RANBP17: variants seen among roughly 807,000 people sequenced by gnomAD.
RANBP17 encodes ran-binding protein 17.
RANBP17 carries 158 observed loss-of-function variants against 141.2 expected under a neutral mutation model. The ratio of observed to expected loss-of-function variants is 1.12; its 90% CI spans 0.98 to 1.28. The LOEUF (loss-of-function observed/expected upper bound fraction) is 1.28, where lower values mean the gene tolerates loss of function less well. Among genes scored for constraint, RANBP17 ranks in the 50% most tolerant of loss-of-function variants. The pLI, the probability that RANBP17 is intolerant of heterozygous loss-of-function variation, is 0.00. For synonymous variants in RANBP17, 430 were observed against 450.0 expected (o/e 0.96, Z 0.56); for missense variants, 1,438 against 1,290.7 (o/e 1.11, Z -1.75).
At chr5:170,980,098 A>G (rs1347211939) in intron 14 of RANBP17, among the ~76,000 whole-genome samples, 1 of 152,126 alleles carries the variant, frequency 6.6e-6, no homozygotes, top group Non-Finnish European at 1.5e-5. Flanking sequence ...AAACTGGCGG[A>G]ATTTTGACCC....
At chr5:170,965,470 G>A (rs1041081582) in intron 13 of RANBP17, among the ~76,000 whole-genome samples, 3 of 152,122 alleles carry the variant, frequency 2.0e-5, no homozygotes, top group Non-Finnish European at 4.4e-5. Context: ...TGAAGTCCTT[G>A]CCCATGCCTA....
At chr5:170,871,172 C>G (rs1319810378) in intron 1 of RANBP17, among the ~76,000 whole-genome samples, 1 of 152,124 alleles carries the variant, frequency 6.6e-6, no homozygotes, top group African/African-American at 2.4e-5. Context: ...CCTCAGCCTC[C>G]TGAGTAGCTG....
At chr5:171,204,744 GT>G (rs1008549437) in intron 19 of RANBP17, among the ~76,000 whole-genome samples, 2 of 151,640 alleles carry the variant, frequency 1.3e-5, no homozygotes, top group African/African-American at 4.8e-5. Flanking sequence ...TCAAGTTTTT[GT>G]TTTTTTTCTC....
chr5:171,012,302 A>T (rs1343705839), intron 14 of RANBP17, among the ~76,000 whole-genome samples: 2 of 152,104 alleles, frequency 1.3e-5, no homozygotes, highest in African/African-American at 4.8e-5. Context: ...CTGATTCTGC[A>T]TTGCATTGTC....
chr5:170,918,904 A>G (rs755792541), intron 10 of RANBP17, 45 bp downstream of exon 10: 1 of 1,315,446 alleles, frequency 7.6e-7, no homozygotes, highest in East Asian at 2.6e-5. Context: ...CCAGTTTTAA[A>G]ACAGCTTCTT....
intron 26 of RANBP17, 84 bp downstream of exon 26, chr5:171,294,065 G>T: frequency 1.0e-6 from 1 of 1,004,340 alleles, no homozygotes. Context: ...TGATGACGAA[G>T]GACAGAGGAG....
intron 14 of RANBP17, among the ~76,000 whole-genome samples, chr5:171,109,575 A>G (rs940104940): frequency 6.6e-6 from 1 of 152,172 alleles, no homozygotes; most frequent in African/African-American, 2.4e-5. Flanking sequence ...ATGGTGTAGT[A>G]TTTACATTTA....
intron 14 of RANBP17, among the ~76,000 whole-genome samples, chr5:171,022,552 C>T (rs181950313): frequency 1.3e-5 from 2 of 152,342 alleles, no homozygotes; most frequent in Non-Finnish European, 2.9e-5. Flanking sequence ...AGAGTCAAGC[C>T]TGAAAAGGCA....
intron 14 of RANBP17, among the ~76,000 whole-genome samples, chr5:171,166,201 G>C (rs1163150815): frequency 6.6e-6 from 1 of 152,112 alleles, no homozygotes; most frequent in Non-Finnish European, 1.5e-5. Context: ...GGCTCAGACA[G>C]GCAAAACCTT....
chr5:171,256,937 AAAACTC>A (rs1765937346), intron 24 of RANBP17, among the ~76,000 whole-genome samples: 1 of 152,306 alleles, frequency 6.6e-6, no homozygotes, highest in South Asian at 2.1e-4. Flanking sequence ...TCCCAGCAAA[AAAACTC>A]AAGACCAGAT....
At chr5:171,280,076 C>T (rs1445535438) in intron 25 of RANBP17, among the ~76,000 whole-genome samples, 1 of 152,088 alleles carries the variant, frequency 6.6e-6, no homozygotes, top group Non-Finnish European at 1.5e-5. Context: ...AAGAATGGCA[C>T]AGTATAAAGT....
intron 14 of RANBP17, among the ~76,000 whole-genome samples, chr5:170,977,000 C>A (rs1416759330): frequency 1.3e-5 from 2 of 152,018 alleles, no homozygotes; most frequent in African/African-American, 2.4e-5. Context: ...CATTGGACTT[C>A]ATCATTTAAA....
chr5:170,932,007 AT>A (rs1205262264), intron 12 of RANBP17, among the ~76,000 whole-genome samples: 2 of 152,096 alleles, frequency 1.3e-5, no homozygotes, highest in African/African-American at 4.8e-5. Flanking sequence ...CAGTATGGCC[AT>A]TTTCATGATA....
intron 14 of RANBP17, among the ~76,000 whole-genome samples, chr5:171,074,599 C>T (rs1784810027): frequency 6.6e-6 from 1 of 152,164 alleles, no homozygotes; most frequent in South Asian, 2.1e-4. Context: ...TTGCAACTTT[C>T]CCGTAACTTT....
chr5:170,955,818 GTA>G (rs367914750), intron 13 of RANBP17, among the ~76,000 whole-genome samples: 8,476 of 141,484 alleles, frequency 0.06, 738 homozygotes, highest in African/African-American at 0.2. Flanking sequence ...TAAAATTCCT[GTA>G]TATATATATA....
At chr5:170,921,490 G>A (rs1469798934) in intron 11 of RANBP17, among the ~76,000 whole-genome samples, 1 of 151,654 alleles carries the variant, frequency 6.6e-6, no homozygotes, top group African/African-American at 2.4e-5. Flanking sequence ...GGTTACTGTA[G>A]CCTTGTAGTA....
At chr5:171,105,350 C>G (rs959645874) in intron 14 of RANBP17, among the ~76,000 whole-genome samples, 1 of 136,026 alleles carries the variant, frequency 7.4e-6, no homozygotes, top group African/African-American at 2.8e-5. Context: ...CCACTGCACT[C>G]CAGCCTGGGC....
intron 14 of RANBP17, among the ~76,000 whole-genome samples, chr5:170,977,234 C>G (rs1403826544): frequency 6.6e-6 from 1 of 151,630 alleles, no homozygotes; most frequent in Non-Finnish European, 1.5e-5. Flanking sequence ...CCAACAAGGA[C>G]ATGGAAAGAT....
At chr5:170,898,024 C>T (rs1188427354) in intron 5 of RANBP17, among the ~76,000 whole-genome samples, 2 of 152,214 alleles carry the variant, frequency 1.3e-5, no homozygotes, top group Non-Finnish European at 1.5e-5. Flanking sequence ...ACACTCCCAT[C>T]AACAATGTAA....
Sources: gnomAD v4.1 joint callset for allele counts (sites outside exome capture counted in the v4.1 genomes callset) on GRCh38, gnomAD v4.1.1 for gene constraint, MANE v1.5 for transcripts, NCBI Gene and HGNC (gene_info 2026-07-23, HGNC 2026-07-21) for gene names.